PRPF39: variants seen among roughly 807,000 people sequenced by gnomAD.
PRPF39 encodes pre-mRNA-processing factor 39.
A neutral mutation model predicts 82.1 loss-of-function variants in PRPF39; 27 were observed. That is an observed-to-expected ratio of 0.33 (90% confidence interval 0.24 to 0.45). PRPF39 has a LOEUF of 0.45. PRPF39 is among the 20% of genes least tolerant of loss of function. PRPF39 has a pLI of 1.00. For missense variants in PRPF39, 581 were observed against 796.9 expected (o/e 0.73, Z 3.26); for synonymous variants, 261 against 256.4 (o/e 1.02, Z -0.17).
intron 1 of PRPF39, among the ~76,000 whole-genome samples, chr14:45,086,020 C>T (rs1050514507): frequency 6.6e-6 from 1 of 152,104 alleles, no homozygotes; most frequent in African/African-American, 2.4e-5. Flanking sequence ...ATTGGCTCAC[C>T]GCAACCTCCG....
At position 45,113,109 on chromosome 14, in the gene PRPF39, C is replaced by T. The variant is rs1392690170; in HGVS notation, c.1757+607C>T. 2.0e-5 allele frequency among the ~76,000 whole-genome samples: 3 copies of T among 152,178 alleles called. No homozygotes were observed. In the East Asian group the frequency reaches 5.8e-4, roughly 29 times the overall value. On this transcript the variant is annotated intron_variant, in intron 11 of 13. Transcript: ENST00000355765. ...ATTGTAGTAAGCAAATACACCAGTT[C>T]CTGTTAGGCATGTGCCTTTTATGAT...
In PRPF39 at chr14:45,100,640, A is replaced by C. The variant is rs181542600; in HGVS notation, c.570-1889A>C. 2.1e-3 allele frequency among the ~76,000 whole-genome samples: 326 copies of C among 152,266 alleles called. 1 individual carries two copies. Among genetic ancestry groups the C allele is most frequent in the Middle Eastern group, 3.4e-3 (1 of 294 alleles). ...GAATCATTTGGGGTTCTGTAGGGACAGTAACATCTATTTTATTCTTTTGAA... is the reference window on the plus strand; with the variant it reads ...GAATCATTTGGGGTTCTGTAGGGACCGTAACATCTATTTTATTCTTTTGAA... On this transcript the variant is annotated intron_variant, in intron 4 of 13. Transcript: ENST00000355765.
chr14:45,095,400 C>T lies in PRPF39; in HGVS notation c.161C>T (p.Ser54Phe). ...SPDDSPNVNA[S>F]TEETEMASAV... The stretch of plus-strand genomic sequence containing the variant: ...GATGACTCTCCCAATGTGAATGCAT[C>T]TACAGAAGAAACTGAAATGGCAAGT... The change falls in exon 2 of 14, where the codon TCT becomes TTT. Residue 54 changes from serine to phenylalanine, a missense_variant. Physicochemically the swap from Ser to Phe is radical, Grantham distance 155 (BLOSUM62 -2). Coordinates refer to ENST00000355765, the MANE Select transcript of PRPF39 (RefSeq NM_017922.4). 6.2e-7 allele frequency: 1 copy of T among 1,613,972 alleles called. No homozygotes were observed. The highest frequency in any genetic ancestry group is 8.5e-7 in the Non-Finnish European group (1 of 1,179,880).
intron 11 of PRPF39, among the ~76,000 whole-genome samples, chr14:45,112,990 C>T (rs1884737680): frequency 6.6e-6 from 1 of 152,162 alleles, no homozygotes. Context: ...GAAGAGAATG[C>T]TCCAGTGGAT....
intron 1 of PRPF39, among the ~76,000 whole-genome samples, chr14:45,092,919 A>T (rs985812886): frequency 6.6e-6 from 1 of 151,814 alleles, no homozygotes; most frequent in Non-Finnish European, 1.5e-5. Flanking sequence ...TAAAAAAAAA[A>T]TGTATCCAGT....
In PRPF39 at chr14:45,104,523, T is replaced by C. The variant is rs564088571; in HGVS notation, c.737+1827T>C. Among the ~76,000 whole-genome samples the C allele has an allele frequency of 1.2e-4, 18 of 152,246 alleles. 3 individuals are homozygous for C. Among genetic ancestry groups the C allele is most frequent in the African/African-American group, 3.6e-4 (15 of 41,552 alleles). On this transcript the variant is annotated intron_variant, in intron 5 of 13. Coordinates refer to ENST00000355765, the MANE Select transcript of PRPF39 (RefSeq NM_017922.4). ...TGATAGGCTATTTAAGTTGTAGGAATGAAGGCCCAAAGAAGCCATGTGTAA... is the reference window on the plus strand; with the variant it reads ...TGATAGGCTATTTAAGTTGTAGGAACGAAGGCCCAAAGAAGCCATGTGTAA...
At chr14:45,098,740 T>C (rs912364413) in intron 4 of PRPF39, among the ~76,000 whole-genome samples, 4 of 152,192 alleles carry the variant, frequency 2.6e-5, no homozygotes, top group African/African-American at 9.6e-5. Context: ...TCTGGACTGG[T>C]CTTCTAGTTC....
rs1003219657 is a variant in PRPF39 at position 45,111,034 on chromosome 14, T to C, written c.1572+217T>C. ...AGACATTAAGATTATTGGGTTAAAATTGTTGTAGACATTGTGATACTTTAT... is the reference window on the plus strand; with the variant it reads ...AGACATTAAGATTATTGGGTTAAAACTGTTGTAGACATTGTGATACTTTAT... On this transcript the variant is annotated intron_variant, in intron 10 of 13. Coordinates refer to ENST00000355765, the MANE Select transcript of PRPF39 (RefSeq NM_017922.4). 1.3e-5 allele frequency: 7 copies of C among 529,662 alleles called. No homozygotes were observed. In the African/African-American group the frequency reaches 1.3e-4, roughly 10 times the overall value. 32.8% of individuals were successfully genotyped at this position (529,662 alleles called of 1,614,324 possible).
rs1274540923 is a variant in PRPF39, at chr14:45,110,277, A to G, written c.1303+57A>G. On this transcript the variant is annotated intron_variant, in intron 9 of 13. Transcript: ENST00000355765. The surrounding 1 kb of genome is among the most constrained non-coding windows in gnomAD (Gnocchi z 4.0). ...GAGATTTTAAGTTATTTCAGGAAAC[A>G]GTGACAAATTGAGTGGTAAGGGATG... 6.3e-7 allele frequency: 1 copy of G among 1,597,818 alleles called. No individual in the cohort carries two copies. The highest frequency in any genetic ancestry group is 1.3e-5 in the African/African-American group (1 of 74,564).
rs758984580 is a variant in PRPF39 at position 45,094,455 on chromosome 14, C to T, written c.-19-766C>T. On this transcript the variant is annotated intron_variant, in intron 1 of 13. Transcript: ENST00000355765. ...TGCTCTGTTGCCCAGGCTGGAGTAT[C>T]GTAGCAGGGTCAATGCTTACAGCAG... Among the ~76,000 whole-genome samples the T allele has an allele frequency of 6.6e-5, 10 of 152,124 alleles. No individual in the cohort carries two copies. The East Asian group carries it at 9.7e-4, about 15-fold the overall frequency.
At chr14:45,106,866 G>A (rs73340611) in intron 5 of PRPF39, among the ~76,000 whole-genome samples, 15,771 of 152,156 alleles carry the variant, frequency 0.1, 1,120 homozygotes, top group African/African-American at 0.2. Context: ...TACAAAACAA[G>A]TGTCCATTTA....
In PRPF39 at chr14:45,110,338, G is replaced by A; in HGVS notation, c.1303+118G>A. The A allele has an allele frequency of 2.9e-6, 4 of 1,398,178 alleles. No individual in the cohort carries two copies. The African/African-American group carries it at 5.8e-5, about 20-fold the overall frequency. The allele number at this position is 1,398,178 out of a possible 1,614,324, so 86.6% of individuals were successfully genotyped here. A position where few individuals can be genotyped will look rare whatever the true frequency, so the allele number is the denominator to read the frequency against. ...GAGTTTGGCAAACTTTTTCTCTAAA[G>A]GGCCAGATAGTAAAAGCCACGTGTT... On this transcript the variant is annotated intron_variant, in intron 9 of 13. Transcript: ENST00000355765. The surrounding 1 kb of genome is among the most constrained non-coding windows in gnomAD (Gnocchi z 4.0).
rs183460093 is a variant in PRPF39 at position 45,103,341 on chromosome 14, A to T, written c.737+645A>T. 5.0e-3 allele frequency among the ~76,000 whole-genome samples: 762 copies of T among 152,230 alleles called. 8 individuals are homozygous for T. Among genetic ancestry groups the T allele is most frequent in the African/African-American group, 0.017 (715 of 41,562 alleles). On this transcript the variant is annotated intron_variant, in intron 5 of 13. Coordinates refer to ENST00000355765, the MANE Select transcript of PRPF39 (RefSeq NM_017922.4). ...GTATCCCATAAATAAGGATCCAGAA[A>T]GTCTTTCTGAACGAGTATGAGGACT... is the stretch of plus-strand genomic sequence containing the variant.
chr14:45,108,601 A>G lies in PRPF39; in HGVS notation c.1011+79A>G, dbSNP rs1009666389. ...TTTTTCTTTCAATTTTGATAGTACT[A>G]TCTCTGTTGTAACTTTATTTTTGCA... On this transcript the variant is annotated intron_variant, in intron 7 of 13. Transcript: ENST00000355765. The G allele has an allele frequency of 2.7e-6, 4 of 1,474,704 alleles. No individual in the cohort carries two copies. The African/African-American group carries it at 4.4e-5, about 16-fold the overall frequency. The allele number at this position is 1,474,704 out of a possible 1,614,324, so 91.4% of individuals were successfully genotyped here.
At chr14:45,086,271 A>G (rs577631752) in intron 1 of PRPF39, among the ~76,000 whole-genome samples, 4 of 152,170 alleles carry the variant, frequency 2.6e-5, no homozygotes, top group Admixed American at 6.5e-5. Flanking sequence ...AAGTGTTAGT[A>G]ATTGAAGTCA....
At chr14:45,095,828 A>G in intron 2 of PRPF39, 2 of 499,868 alleles carry the variant, frequency 4.0e-6, no homozygotes. Context: ...AAAAGTTGGC[A>G]AAATTAGTTC....
chr14:45,085,205 C>G (rs1883783405), intron 1 of PRPF39, among the ~76,000 whole-genome samples: 8 of 152,106 alleles, frequency 5.3e-5, no homozygotes, highest in Admixed American at 5.2e-4. Context: ...TTTTCCTCCT[C>G]CCTCTAGATT....
At chr14:45,107,941 AG>A (rs1884587322) in intron 6 of PRPF39, among the ~76,000 whole-genome samples, 1 of 152,108 alleles carries the variant, frequency 6.6e-6, no homozygotes, top group African/African-American at 2.4e-5. Flanking sequence ...GGGGAAAAAA[AG>A]GTCTTTAGTG....
At chr14:45,101,525 G>A (rs1178049789) in intron 4 of PRPF39, among the ~76,000 whole-genome samples, 4 of 151,506 alleles carry the variant, frequency 2.6e-5, no homozygotes, top group African/African-American at 7.3e-5. Flanking sequence ...GTGTTGAGTG[G>A]TGCAATTTCA....
Sources: gnomAD v4.1 joint callset for allele counts (sites outside exome capture counted in the v4.1 genomes callset) on GRCh38, gnomAD v4.1.1 for gene constraint, Gnocchi (gnomAD v3.1) non-coding constraint, MANE v1.5 for transcripts, NCBI Gene and HGNC (gene_info 2026-07-23, HGNC 2026-07-21) for gene names.